RNF180: variants seen among roughly 807,000 people sequenced by gnomAD.
RNF180 encodes the protein E3 ubiquitin-protein ligase RNF180.
RNF180 carries 38 observed loss-of-function variants against 59.2 expected under a neutral mutation model. The ratio of observed to expected loss-of-function variants is 0.64; its 90% CI spans 0.50 to 0.84. The LOEUF (loss-of-function observed/expected upper bound fraction) is 0.84, where lower values mean the gene tolerates loss of function less well. RNF180 is among the 40% of genes least tolerant of loss of function. The probability of loss-of-function intolerance (pLI) is 0.00; values close to 1 mark genes in which losing one functional copy is unlikely to be tolerated. For missense variants in RNF180, 705 were observed against 700.9 expected (o/e 1.01, Z -0.07); for synonymous variants, 262 against 240.3 (o/e 1.09, Z -0.84).
chr5:64,263,286 T>C (rs1744455851), intron 5 of RNF180, among the ~76,000 whole-genome samples: 2 of 152,194 alleles, frequency 1.3e-5, no homozygotes, highest in Non-Finnish European at 2.9e-5. Flanking sequence ...GGAATATTTC[T>C]CCAGTGAGAA....
At chr5:64,207,364 A>G (rs1284521387) in intron 2 of RNF180, among the ~76,000 whole-genome samples, 1 of 152,122 alleles carries the variant, frequency 6.6e-6, no homozygotes, top group East Asian at 1.9e-4. Context: ...AGGACAGTAC[A>G]GGTGGGAGAA....
chr5:64,258,951 G>A (rs1290826324), intron 5 of RNF180, among the ~76,000 whole-genome samples: 2 of 152,160 alleles, frequency 1.3e-5, no homozygotes, highest in East Asian at 1.9e-4. Context: ...AGCCAAGTAG[G>A]TAGGATATTT....
chr5:64,293,254 G>T (rs978153796), intron 5 of RNF180, among the ~76,000 whole-genome samples: 1 of 152,118 alleles, frequency 6.6e-6, no homozygotes, highest in Non-Finnish European at 1.5e-5. Context: ...CTCCTGGGGG[G>T]GCTGTTGTCC....
At position 64,364,276 on chromosome 5, in the gene RNF180, G is replaced by A. The variant is rs565122691; in HGVS notation, c.1580-5339G>A. 9.9e-5 allele frequency among the ~76,000 whole-genome samples: 15 copies of A among 151,742 alleles called. No individual in the cohort carries two copies. The South Asian group carries it at 2.7e-3, about 27-fold the overall frequency. On this transcript the variant is annotated intron_variant, in intron 7 of 7. Transcript: ENST00000389100. The stretch of plus-strand genomic sequence containing the variant: ...TCCTTCAATGCCTAGTTGGTTGAGA[G>A]TTAACATGAAACAATGTTGAATTTT...
intron 5 of RNF180, among the ~76,000 whole-genome samples, chr5:64,221,009 A>T (rs1269026283): frequency 1.3e-5 from 2 of 152,102 alleles, no homozygotes; most frequent in Admixed American, 1.3e-4. Context: ...TAGCAAAGAC[A>T]TATCTTCTAC....
rs962228526 is a variant in RNF180, at chr5:64,370,449, T to C, written c.*635T>C. The stretch of plus-strand genomic sequence containing the variant: ...GACTAATCCCTACCAATAAACACTT[T>C]AGCTAGCTATAAACACTTTCCAGAT... On this transcript the variant is annotated 3_prime_UTR_variant, in exon 8 of 8. Coordinates refer to ENST00000389100, the MANE Select transcript of RNF180 (RefSeq NM_001113561.2). The C allele has an allele frequency of 6.6e-6, 1 of 151,644 alleles. No individual in the cohort carries two copies. The highest frequency in any genetic ancestry group is 2.4e-5 in the African/African-American group (1 of 41,362). 9.4% of individuals were successfully genotyped at this position (151,644 alleles called of 1,614,324 possible).
chr5:64,317,800 A>T (rs1744138655), intron 5 of RNF180, among the ~76,000 whole-genome samples: 1 of 130,366 alleles, frequency 7.7e-6, no homozygotes, highest in South Asian at 2.2e-4. Context: ...AACCCATTTT[A>T]AATTGAAAAA....
At chr5:64,237,691 G>A (rs534823779) in intron 5 of RNF180, among the ~76,000 whole-genome samples, 1 of 152,244 alleles carries the variant, frequency 6.6e-6, no homozygotes, top group South Asian at 2.1e-4. Context: ...TAATCCCCAC[G>A]TATTGAGGAA....
At chr5:64,214,635 G>C (rs1046924313) in intron 4 of RNF180, 118 bp downstream of exon 4, 3 of 845,480 alleles carry the variant, frequency 3.5e-6, no homozygotes, top group Admixed American at 2.8e-5. Context: ...TTCTGGAAAT[G>C]CTATTTCTCT....
chr5:64,325,840 T>A (rs935833350), intron 6 of RNF180, among the ~76,000 whole-genome samples: 1 of 152,196 alleles, frequency 6.6e-6, no homozygotes, highest in African/African-American at 2.4e-5. Context: ...ACTCAAAATT[T>A]TCTCAACCTT....
intron 7 of RNF180, among the ~76,000 whole-genome samples, chr5:64,360,094 C>G (rs976783497): frequency 6.6e-6 from 1 of 151,850 alleles, no homozygotes; most frequent in Non-Finnish European, 1.5e-5. Context: ...GTTCTATTGG[C>G]TTAGGATTGA....
intron 1 of RNF180, among the ~76,000 whole-genome samples, chr5:64,194,400 A>G (rs1304000306): frequency 3.3e-5 from 5 of 152,120 alleles, no homozygotes; most frequent in African/African-American, 1.2e-4. Flanking sequence ...AATCCAATCT[A>G]TCATTGTTGG....
intron 1 of RNF180, among the ~76,000 whole-genome samples, chr5:64,170,354 CAG>C (rs1407358014): frequency 1.3e-5 from 2 of 152,166 alleles, no homozygotes; most frequent in African/African-American, 2.4e-5. Context: ...TAAATTAAAA[CAG>C]GGAGAGAGAA....
At chr5:64,226,922 C>CAAATTGCCAGG (rs1036957177) in intron 5 of RNF180, among the ~76,000 whole-genome samples, 2 of 152,196 alleles carry the variant, frequency 1.3e-5, no homozygotes, top group African/African-American at 4.8e-5. Flanking sequence ...TCCTGTCTTG[C>CAAATTGCCAGG]AAATTGCCAG....
chr5:64,365,529 C>T (rs776954643), intron 7 of RNF180, among the ~76,000 whole-genome samples: 3 of 151,334 alleles, frequency 2.0e-5, no homozygotes, highest in African/African-American at 7.3e-5. Context: ...GTTCAGGTCC[C>T]GAATATCTTT....
At chr5:64,306,980 T>A in intron 5 of RNF180, among the ~76,000 whole-genome samples, 1 of 145,240 alleles carries the variant, frequency 6.9e-6, no homozygotes, top group Non-Finnish European at 1.5e-5. Flanking sequence ...ATAATAATAA[T>A]AAAATAAAAA....
chr5:64,196,911 A>G (rs773164166), intron 1 of RNF180, among the ~76,000 whole-genome samples: 8 of 152,092 alleles, frequency 5.3e-5, no homozygotes, highest in Non-Finnish European at 1.2e-4. Flanking sequence ...ATTGCTTTGG[A>G]GAAGGTATCT....
At chr5:64,166,467 T>TG (rs1174614790) in intron 1 of RNF180, among the ~76,000 whole-genome samples, 3 of 152,236 alleles carry the variant, frequency 2.0e-5, no homozygotes, top group African/African-American at 4.8e-5. Context: ...TCGCTTTTGT[T>TG]GCAGCCTTGG....
intron 5 of RNF180, among the ~76,000 whole-genome samples, chr5:64,307,008 A>T (rs1207722592): frequency 1.6e-5 from 2 of 124,454 alleles, no homozygotes; most frequent in African/African-American, 5.6e-5. Flanking sequence ...AATAAAAATA[A>T]AAAAAAAGAT....
Sources: gnomAD v4.1 joint callset for allele counts (sites outside exome capture counted in the v4.1 genomes callset) on GRCh38, gnomAD v4.1.1 for gene constraint, MANE v1.5 for transcripts, NCBI Gene and HGNC (gene_info 2026-07-23, HGNC 2026-07-21) for gene names.